Variants in CLCN6 observed in about 807,000 individuals in gnomAD.
The protein encoded by CLCN6 is H(+)/Cl(-) exchange transporter 6.
Under a neutral mutation model 109.8 loss-of-function variants are expected in CLCN6, and 70 were observed. The ratio of observed to expected loss-of-function variants is 0.64; its 90% confidence interval spans 0.53 to 0.78. CLCN6 has a LOEUF of 0.78. CLCN6 is among the 30% of genes least tolerant of loss of function. CLCN6 has a pLI of 0.00. For missense variants in CLCN6, 984 were observed against 1,142.3 expected, an observed-to-expected ratio of 0.86 and a Z score of 2.00; for synonymous variants, 444 against 447.8, an observed-to-expected ratio of 0.99 and a Z score of 0.11.
intron 22 of CLCN6, 24 bp downstream of exon 22, chr1:11,838,684 C>T (rs776431052): frequency 1.5e-5 from 24 of 1,614,124 alleles, no homozygotes; most frequent in Non-Finnish European, 1.7e-6. Context: ...CGGCCCTGCC[C>T]CCACCTTTGA....
intron 8 of CLCN6, among the ~76,000 whole-genome samples, chr1:11,825,038 G>A (rs897229209): frequency 2.0e-5 from 3 of 152,122 alleles, no homozygotes; most frequent in Admixed American, 1.3e-4. Context: ...TCAATGATTC[G>A]TTGTTATTAT....
At chr1:11,830,929 G>A (rs1172587193) in intron 13 of CLCN6, among the ~76,000 whole-genome samples, 7 of 151,850 alleles carry the variant, frequency 4.6e-5, no homozygotes. Flanking sequence ...CGCCTCCCAA[G>A]TTCAAGTGAT....
At chr1:11,806,977 C>G (rs1570508641) in intron 1 of CLCN6, 154 bp from the exon 2 acceptor site, 2 of 647,558 alleles carry the variant, frequency 3.1e-6, no homozygotes. Flanking sequence ...CCCACATGGT[C>G]CCTCACCCCT....
At chr1:11,830,397 C>T (rs1160721099) in intron 13 of CLCN6, 5 of 151,922 alleles carry the variant, frequency 3.3e-5, no homozygotes. Flanking sequence ...AACAAGACAA[C>T]AGTAAAAAAT....
chr1:11,809,500 T>C (rs1215006057), intron 2 of CLCN6, among the ~76,000 whole-genome samples: 3 of 152,332 alleles, frequency 2.0e-5, no homozygotes, highest in African/African-American at 7.2e-5. Context: ...TCGCCCAGGC[T>C]GGAATGCAGT....
At chr1:11,827,591 G>T (rs946698704) in intron 10 of CLCN6, among the ~76,000 whole-genome samples, 7 of 129,902 alleles carry the variant, frequency 5.4e-5, no homozygotes, top group African/African-American at 2.2e-4. Context: ...ACGTGCCACC[G>T]CATCCAGCTA....
chr1:11,837,826 G>A (rs965069062), intron 20 of CLCN6, among the ~76,000 whole-genome samples: 2 of 151,970 alleles, frequency 1.3e-5, no homozygotes, highest in African/African-American at 2.4e-5. Context: ...CCCCATCCTC[G>A]CCACTGTCAT....
At chr1:11,815,195 A>T (rs1375802932) in intron 2 of CLCN6, among the ~76,000 whole-genome samples, 2 of 152,184 alleles carry the variant, frequency 1.3e-5, no homozygotes, top group African/African-American at 2.4e-5. Flanking sequence ...TTTTGTTCAT[A>T]TCTAATGGAG....
chr1:11,806,255 G>T lies in CLCN6; in HGVS notation c.-8G>T. On this transcript the variant is annotated 5_prime_UTR_variant, in exon 1 of 23. The change creates a new upstream start codon in the 5' untranslated region. Coordinates refer to ENST00000346436, the MANE Select transcript of CLCN6 (RefSeq NM_001286.5). The stretch of plus-strand genomic sequence containing the variant: ...TAGAGGGGTCCAGAGTGGCAGTAAA[G>T]GAGGAAGATGGCGGGGTGCAGGGGG... The T allele has an allele frequency of 6.8e-7, 1 of 1,461,356 alleles. No individual in the cohort carries two copies. The highest frequency in any genetic ancestry group is 1.5e-5 in the South Asian group (1 of 67,046). The allele number at this position is 1,461,356 out of a possible 1,614,324, so 90.5% of individuals were successfully genotyped here. A position where few individuals can be genotyped will look rare whatever the true frequency, so the allele number is the denominator to read the frequency against.
At position 11,840,187 on chromosome 1, in the gene CLCN6, G is replaced by A. The variant is rs766609466; in HGVS notation, c.2574G>A (p.Leu858=). 1 of 1,613,682 alleles carries A rather than the reference G, an allele frequency of 6.2e-7. No homozygotes were observed. Among genetic ancestry groups the A allele is most frequent in the South Asian group, 1.1e-5 (1 of 91,082 alleles). The change falls in exon 23 of 23, where the codon CTG becomes CTA. Residue 858 remains leucine (L), a synonymous_variant. Transcript: ENST00000346436. ...ITRHNLTYEF[L]QARLRQHYQT... is the part of the protein sequence containing the mutation. ...GGCACAACCTCACCTATGAATTTCT[G>A]CAGGCCCGGCTGAGGCAGCACTACC...
intron 2 of CLCN6, among the ~76,000 whole-genome samples, chr1:11,807,641 T>C (rs1644536501): frequency 1.3e-5 from 2 of 152,252 alleles, no homozygotes; most frequent in African/African-American, 2.4e-5. Flanking sequence ...CCACCTTTCA[T>C]GTATGGGATT....
In CLCN6 at chr1:11,842,587, A is replaced by T. The variant is rs1237466514; in HGVS notation, c.*2364A>T. The T allele has an allele frequency of 2.0e-5, 3 of 152,690 alleles. No individual in the cohort carries two copies. Among genetic ancestry groups the T allele is most frequent in the African/African-American group, 7.2e-5 (3 of 41,448 alleles). 9.5% of individuals were successfully genotyped at this position (152,690 alleles called of 1,614,324 possible). A position where few individuals can be genotyped will look rare whatever the true frequency, so the allele number is the denominator to read the frequency against. On this transcript the variant is annotated 3_prime_UTR_variant, in exon 23 of 23. Coordinates refer to ENST00000346436, the MANE Select transcript of CLCN6 (RefSeq NM_001286.5). ...ACCCAGTGATCAGTCGCCTCAGTAA[A>T]GCAGATCTGTGGATGGGGAGCCTAC...
At chr1:11,816,028 C>A in intron 3 of CLCN6, 117 bp downstream of exon 3, 4 of 764,212 alleles carry the variant, frequency 5.2e-6, no homozygotes, top group South Asian at 4.5e-5. Flanking sequence ...CCTTTTCATG[C>A]GATACAGGCA....
At chr1:11,822,359 A>G (rs770016524) in intron 5 of CLCN6, among the ~76,000 whole-genome samples, 5 of 152,106 alleles carry the variant, frequency 3.3e-5, no homozygotes, top group East Asian at 1.9e-4. Flanking sequence ...CCCAGGCTCA[A>G]GCGATCCTCC....
At chr1:11,806,495 C>G (rs1034084978) in intron 1 of CLCN6, 146 bp downstream of exon 1, 1 of 607,290 alleles carries the variant, frequency 1.6e-6, no homozygotes, top group East Asian at 3.5e-5. Context: ...CTCGAAGCGT[C>G]TACCCTGCTT....
chr1:11,840,251 G>T lies in CLCN6; in HGVS notation c.*28G>T. ...GCCCAGCCCACCCTCTCCTGGTGCT[G>T]CCTGGGGAGGCAAATCATGCTCACT... On this transcript the variant is annotated 3_prime_UTR_variant, in exon 23 of 23. Coordinates refer to ENST00000346436, the MANE Select transcript of CLCN6 (RefSeq NM_001286.5). The T allele has an allele frequency of 6.3e-7, 1 of 1,584,304 alleles. No homozygotes were observed. The highest frequency in any genetic ancestry group is 8.6e-7 in the Non-Finnish European group (1 of 1,157,146).
Position 11,822,656 on chromosome 1 carries a change from T to G in CLCN6, c.347-39T>G, listed in dbSNP as rs371289946. On this transcript the variant is annotated intron_variant, in intron 5 of 22. Coordinates refer to ENST00000346436, the MANE Select transcript of CLCN6 (RefSeq NM_001286.5). ...TCTCAAGTGATGACGGGGACACCCCTCGGCTGATGAACAAGTTTCCTTAAC... is the reference window on the plus strand; with the variant it reads ...TCTCAAGTGATGACGGGGACACCCCGCGGCTGATGAACAAGTTTCCTTAAC... 3.0e-4 allele frequency: 377 copies of G among 1,268,850 alleles called. 1 individual carries two copies. The highest frequency in any genetic ancestry group is 4.9e-4 in the Admixed American group (29 of 59,462). The allele number at this position is 1,268,850 out of a possible 1,614,324, so 78.6% of individuals were successfully genotyped here.
rs143698738 is a variant in CLCN6 at position 11,828,619 on chromosome 1, C to T, written c.1116C>T (p.Leu372=). 42 of 1,606,464 alleles carry T rather than the reference C, an allele frequency of 2.6e-5. No individual in the cohort carries two copies. The African/African-American group carries it at 4.3e-4, about 16-fold the overall frequency. Residue 372 remains leucine, a synonymous_variant, in exon 12 of 23, where the codon CTC becomes CTT. Coordinates refer to ENST00000346436, the MANE Select transcript of CLCN6 (RefSeq NM_001286.5). The part of the protein sequence containing the change: ...RMRNVHPKPK[L]VRVLESLLVS... Reference sequence around the variant, plus strand: ...GAAACGTGCACCCGAAACCTAAGCTCGTCAGGTATCTGCACAGTCGCCTCC... The same window carrying T: ...GAAACGTGCACCCGAAACCTAAGCTTGTCAGGTATCTGCACAGTCGCCTCC...
intron 3 of CLCN6, 64 bp downstream of exon 3, chr1:11,815,975 T>C (rs112698089): frequency 5.7e-6 from 7 of 1,219,876 alleles, no homozygotes; most frequent in African/African-American, 3.0e-5. Context: ...TTTTTTTCTC[T>C]TCTAAAGGCC....
Sources: allele counts gnomAD v4.1 joint callset (sites outside exome capture counted in the v4.1 genomes callset), GRCh38; gene constraint gnomAD v4.1.1; transcripts MANE v1.5; gene names NCBI Gene and HGNC (gene_info 2026-07-23, HGNC 2026-07-21).